Variants in LPXN observed in about 807,000 individuals in gnomAD.
LPXN encodes leupaxin.
Under a neutral mutation model 45.6 loss-of-function variants are expected in LPXN, and 28 were observed. The observed-to-expected ratio is 0.61, with a 90% CI of 0.45 to 0.84. LPXN has a LOEUF of 0.84. Ranked by LOEUF, LPXN falls within the 40% of genes least tolerant of loss-of-function variation. The pLI, the probability that LPXN is intolerant of heterozygous loss-of-function variation, is 0.00. For synonymous variants in LPXN, 166 were observed against 169.9 expected (o/e 0.98, Z 0.18); for missense variants, 459 against 475.0 (o/e 0.97, Z 0.31).
At position 58,551,267 on chromosome 11, in the gene LPXN, C is replaced by T; in HGVS notation, c.319-35G>A. 4 of 1,550,528 alleles carry T rather than the reference C, an allele frequency of 2.6e-6. No individual in the cohort carries two copies. In the South Asian group the frequency reaches 3.7e-5, roughly 14 times the overall value. ...GGGAAGAACCAAGAACAGAATCAGC[C>T]TCATTTTTATTCTCATTGGCATCTT... On this transcript the variant is annotated intron_variant, in intron 4 of 8. Coordinates refer to ENST00000395074, the MANE Select transcript of LPXN (RefSeq NM_004811.3).
chr11:58,577,646 G>A (rs1854941548), upstream of LPXN, among the ~76,000 whole-genome samples: 1 of 152,198 alleles, frequency 6.6e-6, no homozygotes, highest in Admixed American at 6.5e-5. Context: ...ACAAATTAAT[G>A]TCATACGCTA....
chr11:58,550,050 C>T lies in LPXN; in HGVS notation c.583G>A (p.Gly195Ser), dbSNP rs956378976. The change falls in exon 6 of 9, where the codon GGC (glycine) becomes AGC (serine). Residue 195 changes from glycine (G) to serine (S), a missense_variant. Gly to Ser is a moderately conservative substitution (Grantham distance 56). Transcript: ENST00000395074. Reference protein sequence around the residue: ...IGSSPFFERSGLAYCPNDYHQ... With the variant: ...IGSSPFFERSSLAYCPNDYHQ... The stretch of plus-strand genomic sequence containing the variant: ...TAGTCGTTGGGGCAGTAGGCCAAGC[C>T]ACTCCGCTCAAAGAAGGGACTGGAG... 6.2e-7 allele frequency: 1 copy of T among 1,614,168 alleles called. No individual in the cohort carries two copies. Among genetic ancestry groups the T allele is most frequent in the Non-Finnish European group, 8.5e-7 (1 of 1,179,998 alleles).
At chr11:58,557,393 G>A (rs1250795938) in intron 3 of LPXN, among the ~76,000 whole-genome samples, 1 of 152,108 alleles carries the variant, frequency 6.6e-6, no homozygotes, top group Non-Finnish European at 1.5e-5. Context: ...AAAAAAAGGA[G>A]ATTCTGCTAT....
chr11:58,577,501 A>G (rs1225696732), upstream of LPXN, among the ~76,000 whole-genome samples: 1 of 152,186 alleles, frequency 6.6e-6, no homozygotes, highest in African/African-American at 2.4e-5. Context: ...TTAGCCCTGG[A>G]TGCCTTATTT....
At chr11:58,542,628 A>G (rs1313661221) in intron 7 of LPXN, among the ~76,000 whole-genome samples, 1 of 152,078 alleles carries the variant, frequency 6.6e-6, no homozygotes, top group Non-Finnish European at 1.5e-5. Context: ...AACTATAATA[A>G]TGCTTCAGTG....
chr11:58,562,064 T>TTAA, intron 3 of LPXN, among the ~76,000 whole-genome samples: 1 of 152,306 alleles, frequency 6.6e-6, no homozygotes, highest in African/African-American at 2.4e-5. Context: ...GAATCCAGAC[T>TTAA]TAAGCAAGGG....
chr11:58,553,906 T>C (rs1854123888), intron 4 of LPXN: 1 of 152,394 alleles, frequency 6.6e-6, no homozygotes, highest in East Asian at 1.9e-4. Context: ...TTTATCTCAA[T>C]ATGGGCTTGG....
intron 7 of LPXN, among the ~76,000 whole-genome samples, chr11:58,535,920 C>T (rs1259739931): frequency 3.9e-5 from 6 of 152,044 alleles, no homozygotes; most frequent in African/African-American, 1.2e-4. Context: ...AATTGCTATA[C>T]AGAATTAAAT....
chr11:58,554,994 T>A, intron 3 of LPXN, 54 bp from the exon 4 acceptor site: 1 of 1,138,924 alleles, frequency 8.8e-7, no homozygotes, highest in Non-Finnish European at 1.3e-6. Flanking sequence ...CAAATAATGT[T>A]AAACCACACA....
upstream of LPXN, among the ~76,000 whole-genome samples, chr11:58,576,178 CTTTTTTT>C (rs764553389): frequency 6.9e-5 from 10 of 144,480 alleles, no homozygotes; most frequent in East Asian, 4.0e-4. Flanking sequence ...TTTCTTTTTT[CTTTTTTT>C]TTTTTCTGTG....
At chr11:58,529,322 A>G (rs973663522) in intron 7 of LPXN, among the ~76,000 whole-genome samples, 2 of 152,168 alleles carry the variant, frequency 1.3e-5, no homozygotes, top group African/African-American at 4.8e-5. Context: ...TAAAAAGTGA[A>G]AAAATTGGCC....
At chr11:58,531,637 G>A (rs986939264) in intron 7 of LPXN, among the ~76,000 whole-genome samples, 2 of 152,178 alleles carry the variant, frequency 1.3e-5, no homozygotes, top group Non-Finnish European at 2.9e-5. Context: ...ACACTCTTCA[G>A]GATATTATCC....
At chr11:58,540,413 A>G (rs1195633800) in intron 7 of LPXN, among the ~76,000 whole-genome samples, 1 of 152,222 alleles carries the variant, frequency 6.6e-6, no homozygotes, top group Non-Finnish European at 1.5e-5. Context: ...TAGGAATTGT[A>G]AATGATAATA....
chr11:58,545,550 TA>T (rs1853852442), intron 7 of LPXN, among the ~76,000 whole-genome samples: 1 of 152,136 alleles, frequency 6.6e-6, no homozygotes. Flanking sequence ...AGAAATGAAA[TA>T]CCTAATGATT....
chr11:58,563,743 G>A (rs1326934475), intron 3 of LPXN, among the ~76,000 whole-genome samples: 2 of 152,190 alleles, frequency 1.3e-5, no homozygotes, highest in African/African-American at 2.4e-5. Context: ...TCATCAGTTG[G>A]CCATGGAGAC....
chr11:58,554,521 A>G (rs567621488), intron 4 of LPXN, among the ~76,000 whole-genome samples: 2 of 152,276 alleles, frequency 1.3e-5, no homozygotes, highest in Non-Finnish European at 2.9e-5. Context: ...TGTTTGCTCC[A>G]CATATGTTTG....
intron 2 of LPXN, among the ~76,000 whole-genome samples, chr11:58,568,381 T>A (rs1854584311): frequency 6.6e-6 from 1 of 152,034 alleles, no homozygotes; most frequent in African/African-American, 2.4e-5. Flanking sequence ...GGCAGGCAAA[T>A]CACCTGAGGT....
chr11:58,574,556 G>A (rs1326115172), intron 1 of LPXN, among the ~76,000 whole-genome samples: 2 of 151,708 alleles, frequency 1.3e-5, no homozygotes, highest in African/African-American at 2.4e-5. Context: ...GCCTTTCGGT[G>A]TCCCCTCCAT....
In LPXN at chr11:58,539,724, C is replaced by G. The variant is rs185712854; in HGVS notation, c.742+10062G>C. 2.0e-3 allele frequency among the ~76,000 whole-genome samples: 307 copies of G among 152,144 alleles called. 1 individual carries two copies. The highest frequency in any genetic ancestry group is 1.3e-3 in the Non-Finnish European group (89 of 67,998). ...ATTGTTAATGAACCCATTCATTACCCTTATAATTAATTCATTACTCTTATT... is the reference window on the plus strand; with the variant it reads ...ATTGTTAATGAACCCATTCATTACCGTTATAATTAATTCATTACTCTTATT... On this transcript the variant is annotated intron_variant, in intron 7 of 8. Coordinates refer to ENST00000395074, the MANE Select transcript of LPXN (RefSeq NM_004811.3).
Sources: gnomAD v4.1 joint callset for allele counts (sites outside exome capture counted in the v4.1 genomes callset) on GRCh38, gnomAD v4.1.1 for gene constraint, MANE v1.5 for transcripts, NCBI Gene and HGNC (gene_info 2026-07-23, HGNC 2026-07-21) for gene names.